CUBN: variants seen among roughly 807,000 people sequenced by gnomAD.
CUBN encodes the protein cubilin.
CUBN carries 282 observed loss-of-function variants against 405.3 expected under a neutral mutation model. That is an observed-to-expected ratio of 0.70 (90% CI 0.63 to 0.77). The LOEUF is 0.77. Among genes scored for constraint, CUBN ranks in the 30% least tolerant of loss-of-function variants. The pLI, the probability that CUBN is intolerant of heterozygous loss-of-function variation, is 0.00. For synonymous variants in CUBN, 1,684 were observed against 1,617.0 expected, an observed-to-expected ratio of 1.04 and a Z score of -0.99; for missense variants, 4,514 against 4,475.2, an observed-to-expected ratio of 1.01 and a Z score of -0.25.
At chr10:17,010,292 G>C (rs1834145248) in intron 28 of CUBN, among the ~76,000 whole-genome samples, 1 of 152,188 alleles carries the variant, frequency 6.6e-6, no homozygotes, top group Non-Finnish European at 1.5e-5. Flanking sequence ...GTATTATAGA[G>C]ATGAATCAAT....
In CUBN at chr10:17,068,227, G is replaced by A. The variant is rs376657324; in HGVS notation, c.2845C>T (p.Pro949Ser). 2.3e-5 allele frequency: 37 copies of A among 1,613,652 alleles called. No homozygotes were observed. The African/African-American group carries it at 4.0e-4, about 17-fold the overall frequency. ...TTGATACCGTGGGGGTAGACATTTG[G>A]ATGGCCAGGACTTTGAATGGTCCCT... Reference protein sequence around the residue: ...STGTIQSPGHPNVYPHGINCT... With the variant: ...STGTIQSPGHSNVYPHGINCT... The change falls in exon 21 of 67, where the codon CCA becomes TCA. Residue 949 changes from proline to serine, a missense_variant. Pro to Ser is a moderately conservative substitution (Grantham distance 74). Coordinates refer to ENST00000377833, the MANE Select transcript of CUBN (RefSeq NM_001081.4).
intron 40 of CUBN, among the ~76,000 whole-genome samples, chr10:16,930,161 G>A (rs1842321392): frequency 6.6e-6 from 1 of 152,202 alleles, no homozygotes; most frequent in Non-Finnish European, 1.5e-5. Flanking sequence ...GCTAGCACTA[G>A]AAGGCAACTT....
At chr10:16,976,422 A>G (rs1182711963) in intron 31 of CUBN, among the ~76,000 whole-genome samples, 4 of 152,034 alleles carry the variant, frequency 2.6e-5, no homozygotes, top group Non-Finnish European at 5.9e-5. Context: ...TTTAGTCTCT[A>G]CTTTCTAACA....
intron 4 of CUBN, among the ~76,000 whole-genome samples, chr10:17,126,374 C>T (rs1837191035): frequency 6.6e-6 from 1 of 152,210 alleles, no homozygotes; most frequent in Non-Finnish European, 1.5e-5. Flanking sequence ...TACACCTAGA[C>T]TTCCGAGCTT....
chr10:16,873,721 CAAAAA>C (rs56307605), intron 58 of CUBN, among the ~76,000 whole-genome samples: 1 of 116,498 alleles, frequency 8.6e-6, no homozygotes. Flanking sequence ...GACCTTCTCT[CAAAAA>C]AAAAAAAAAA....
Position 16,907,637 on chromosome 10 carries a change from G to A in CUBN, c.7576C>T (p.Leu2526=). 1 of 1,612,610 alleles carries A rather than the reference G, an allele frequency of 6.2e-7. No individual in the cohort carries two copies. Among genetic ancestry groups the A allele is most frequent in the Non-Finnish European group, 8.5e-7 (1 of 1,179,998 alleles). ...TTGCTTACATTCACACTACTACACA[G>A]TTTCTCTAGCTGGGGTGAGTTACTT... is the stretch of plus-strand genomic sequence containing the variant. ...IRSNSPQLEK[L]CSSVNVSNEI... Residue 2526 remains leucine, a synonymous_variant, in exon 49 of 67, where the codon CTG becomes TTG. Coordinates refer to ENST00000377833, the MANE Select transcript of CUBN (RefSeq NM_001081.4).
chr10:17,084,880 G>A (rs1245822507), intron 16 of CUBN, among the ~76,000 whole-genome samples: 3 of 152,092 alleles, frequency 2.0e-5, no homozygotes, highest in Non-Finnish European at 4.4e-5. Flanking sequence ...TGATTTGCAC[G>A]GAAAACAATT....
chr10:17,099,935 T>C, intron 14 of CUBN, 70 bp downstream of exon 14: 2 of 939,426 alleles, frequency 2.1e-6, no homozygotes, highest in South Asian at 2.6e-5. Flanking sequence ...TATCCAAAAG[T>C]CTAACACTGA....
At chr10:16,828,153 G>A (rs927847397) in intron 66 of CUBN, among the ~76,000 whole-genome samples, 3 of 149,964 alleles carry the variant, frequency 2.0e-5, no homozygotes, top group Non-Finnish European at 4.4e-5. Context: ...GTGCACTGAC[G>A]TCACAGAGGG....
chr10:16,834,195 A>G (rs1839097208), intron 64 of CUBN, among the ~76,000 whole-genome samples: 1 of 152,122 alleles, frequency 6.6e-6, no homozygotes, highest in East Asian at 1.9e-4. Context: ...ACATCACATG[A>G]GGCTTATTCA....
intron 56 of CUBN, among the ~76,000 whole-genome samples, chr10:16,883,112 G>T (rs1028801613): frequency 2.0e-5 from 3 of 151,960 alleles, no homozygotes; most frequent in South Asian, 4.1e-4. Context: ...AAGGAAGAAA[G>T]AAATGGGTTC....
intron 14 of CUBN, 118 bp from the exon 15 acceptor site, chr10:17,088,463 G>C: frequency 4.0e-6 from 3 of 743,940 alleles, no homozygotes; most frequent in Non-Finnish European, 6.9e-6. Flanking sequence ...AGCAGTTTTA[G>C]ACACCCTCAT....
rs1398627535 is a variant in CUBN at position 16,840,378 on chromosome 10, G to A, written c.9984C>T (p.Thr3328=). 1 of 1,614,160 alleles carries A rather than the reference G, an allele frequency of 6.2e-7. No homozygotes were observed. The highest frequency in any genetic ancestry group is 1.7e-5 in the Admixed American group (1 of 60,028). Residue 3328 remains threonine (T), a synonymous_variant, in exon 62 of 67, where the codon ACC becomes ACT. Transcript: ENST00000377833. ...VKITVWALQL[T]SQDCTQNYLQ... ...AGTAATTCTGCGTGCAGTCTTGCGA[G>A]GTCAGCTGTAATGCCCACACAGTTA...
rs2131292111 is a variant in CUBN at position 16,824,462 on chromosome 10, A to G, written c.*513T>C. On this transcript the variant is annotated 3_prime_UTR_variant, in exon 67 of 67. Coordinates refer to ENST00000377833, the MANE Select transcript of CUBN (RefSeq NM_001081.4). Reference sequence around the variant, plus strand: ...AATATTAGAATGAAATGCACACTCAAGACTAAAGAAGCTATATTCTATGTT... The same window carrying G: ...AATATTAGAATGAAATGCACACTCAGGACTAAAGAAGCTATATTCTATGTT... The G allele has an allele frequency of 6.2e-6, 1 of 161,802 alleles. No individual in the cohort carries two copies. Among genetic ancestry groups the G allele is most frequent in the African/African-American group, 2.4e-5 (1 of 41,614 alleles). The allele number at this position is 161,802 out of a possible 1,614,324, so 10.0% of individuals were successfully genotyped here.
intron 13 of CUBN, among the ~76,000 whole-genome samples, chr10:17,101,061 CACA>C (rs980663563): frequency 6.6e-6 from 1 of 152,130 alleles, no homozygotes; most frequent in African/African-American, 2.4e-5. Context: ...AACCTAAAAT[CACA>C]ACAATATTCA....
chr10:17,111,547 G>A (rs900287271), intron 8 of CUBN, among the ~76,000 whole-genome samples: 13 of 152,104 alleles, frequency 8.5e-5, no homozygotes, highest in African/African-American at 3.1e-4. Context: ...TACTAAAAAC[G>A]CTTTTTAATA....
rs776543323 is a variant in CUBN at position 17,085,581 on chromosome 10, C to T, written c.2110+16G>A. The T allele has an allele frequency of 4.3e-6, 7 of 1,612,836 alleles. No homozygotes were observed. The highest frequency in any genetic ancestry group is 1.1e-5 in the South Asian group (1 of 91,048). ...CTTCAAATCCCTCTTAAGCCCCCAA[C>T]TGGTAGGTTACTTACAAGGTGATGT... On this transcript the variant is annotated intron_variant, in intron 16 of 66. Transcript: ENST00000377833.
intron 54 of CUBN, among the ~76,000 whole-genome samples, chr10:16,893,968 C>G (rs1841108874): frequency 6.6e-6 from 1 of 152,266 alleles, no homozygotes; most frequent in South Asian, 2.1e-4. Flanking sequence ...TTAATTCATA[C>G]TTCTCCAGAA....
intron 28 of CUBN, among the ~76,000 whole-genome samples, chr10:17,000,820 A>C (rs2131738190): frequency 6.6e-6 from 1 of 152,300 alleles, no homozygotes; most frequent in Non-Finnish European, 1.5e-5. Context: ...TTTCTCATCC[A>C]TAATAAGGGA....
Sources: gnomAD v4.1 joint callset for allele counts (sites outside exome capture counted in the v4.1 genomes callset) on GRCh38, gnomAD v4.1.1 for gene constraint, MANE v1.5 for transcripts, NCBI Gene and HGNC (gene_info 2026-07-23, HGNC 2026-07-21) for gene names.